PPP1R16B: variants seen among roughly 807,000 people sequenced by gnomAD.
The protein encoded by PPP1R16B is protein phosphatase 1 regulatory subunit 16B.
Under a neutral mutation model 61.7 loss-of-function variants are expected in PPP1R16B, and 14 were observed. The observed-to-expected ratio is 0.23, with a 90% confidence interval of 0.15 to 0.35. The LOEUF is 0.35. Among genes scored for constraint, PPP1R16B ranks in the 10% least tolerant of loss-of-function variants. The pLI is 1.00. For synonymous variants in PPP1R16B, 266 were observed against 305.3 expected (o/e 0.87, Z 1.34); for missense variants, 547 against 752.5 (o/e 0.73, Z 3.19).
chr20:38,831,855 G>A (rs2084839310), intron 1 of PPP1R16B, among the ~76,000 whole-genome samples: 1 of 152,232 alleles, frequency 6.6e-6, no homozygotes, highest in Admixed American at 6.5e-5. Flanking sequence ...GTCAGGCCTG[G>A]CCCACAGCCA....
chr20:38,862,148 G>A (rs2085056241), intron 2 of PPP1R16B, among the ~76,000 whole-genome samples: 1 of 152,212 alleles, frequency 6.6e-6, no homozygotes, highest in Non-Finnish European at 1.5e-5. Context: ...TAGGGGCAGG[G>A]CATGCTGGGC....
chr20:38,828,423 A>T (rs2084817126), intron 1 of PPP1R16B, among the ~76,000 whole-genome samples: 1 of 152,194 alleles, frequency 6.6e-6, no homozygotes, highest in African/African-American at 2.4e-5. Context: ...CACCCCTAAA[A>T]ACATCATTGC....
chr20:38,880,777 C>A (rs1012153623), intron 2 of PPP1R16B, among the ~76,000 whole-genome samples: 1 of 152,208 alleles, frequency 6.6e-6, no homozygotes, highest in Non-Finnish European at 1.5e-5. Flanking sequence ...TAAAAACATT[C>A]ATATGCAAAG....
intron 2 of PPP1R16B, among the ~76,000 whole-genome samples, chr20:38,850,860 C>T (rs916767352): frequency 3.3e-5 from 5 of 151,006 alleles, no homozygotes; most frequent in South Asian, 2.1e-4. Flanking sequence ...CCCAGGTACT[C>T]GGGAGGCTGA....
At chr20:38,887,371 C>T (rs1186928370) in intron 2 of PPP1R16B, among the ~76,000 whole-genome samples, 3 of 152,096 alleles carry the variant, frequency 2.0e-5, no homozygotes, top group Non-Finnish European at 4.4e-5. Context: ...GATGGTGCCA[C>T]CTAGAATTGT....
chr20:38,813,213 C>T (rs765343083), intron 1 of PPP1R16B, among the ~76,000 whole-genome samples: 1 of 152,218 alleles, frequency 6.6e-6, no homozygotes, highest in Non-Finnish European at 1.5e-5. Flanking sequence ...AAAGAGGATG[C>T]TTGGTCTCAA....
Position 38,907,746 on chromosome 20 carries a change from A to G in PPP1R16B, c.899-60A>G. 1 of 1,588,886 alleles carries G rather than the reference A, an allele frequency of 6.3e-7. No individual in the cohort carries two copies. Among genetic ancestry groups the G allele is most frequent in the Non-Finnish European group, 8.6e-7 (1 of 1,160,922 alleles). ...GGTGGCAGCTCCTCTGGTCTGGAGC[A>G]CCCTCTTGCGCCACAGGTCCTGGCC... On this transcript the variant is annotated intron_variant, in intron 8 of 10. Transcript: ENST00000299824. The surrounding 1 kb of genome is among the most constrained non-coding windows in gnomAD (Gnocchi z 4.5).
At chr20:38,912,025 T>G (rs1486446225) in intron 10 of PPP1R16B, among the ~76,000 whole-genome samples, 1 of 152,146 alleles carries the variant, frequency 6.6e-6, no homozygotes, top group Non-Finnish European at 1.5e-5. Flanking sequence ...CCAAGCAGTT[T>G]TCCAAGGTGC....
intron 5 of PPP1R16B, among the ~76,000 whole-genome samples, chr20:38,901,965 A>G (rs2085397957): frequency 6.6e-6 from 1 of 152,226 alleles, no homozygotes; most frequent in Non-Finnish European, 1.5e-5. Flanking sequence ...AGCTTAGTCA[A>G]AAGAAATGTG....
intron 4 of PPP1R16B, among the ~76,000 whole-genome samples, chr20:38,899,100 G>C (rs2085372290): frequency 6.6e-6 from 1 of 152,192 alleles, no homozygotes; most frequent in Admixed American, 6.5e-5. Flanking sequence ...TGGCAGAGCG[G>C]CAGGAGCCCA....
In PPP1R16B at chr20:38,921,222, T is replaced by C. The variant is rs1160305994; in HGVS notation, c.*2556T>C. The C allele has an allele frequency of 6.6e-6, 1 of 152,204 alleles. No individual in the cohort carries two copies. Among genetic ancestry groups the C allele is most frequent in the African/African-American group, 2.4e-5 (1 of 41,450 alleles). 9.4% of individuals were successfully genotyped at this position (152,204 alleles called of 1,614,324 possible). A position where few individuals can be genotyped will look rare whatever the true frequency, so the allele number is the denominator to read the frequency against. ...AACCATCCCTTCTTGGGGCTTTAAG[T>C]CCCTGGGGAGCTTTCCCTGTAGGTC... On this transcript the variant is annotated 3_prime_UTR_variant, in exon 11 of 11. Transcript: ENST00000299824.
intron 3 of PPP1R16B, 113 bp from the exon 4 acceptor site, chr20:38,895,452 A>G: frequency 8.0e-7 from 1 of 1,256,020 alleles, no homozygotes; most frequent in Non-Finnish European, 1.1e-6. Flanking sequence ...GGATTCAAAC[A>G]GGCCTTCCAC....
At chr20:38,822,200 A>G (rs538269472) in intron 1 of PPP1R16B, among the ~76,000 whole-genome samples, 4 of 151,996 alleles carry the variant, frequency 2.6e-5, no homozygotes, top group African/African-American at 7.2e-5. Context: ...TACATCATTC[A>G]GTGAGATTTG....
chr20:38,848,018 G>C (rs910912224), intron 2 of PPP1R16B, among the ~76,000 whole-genome samples: 4 of 151,980 alleles, frequency 2.6e-5, no homozygotes, highest in African/African-American at 9.7e-5. Context: ...GTCTGTTTTT[G>C]TAAATAAAGT....
Position 38,907,938 on chromosome 20 carries a change from G to A in PPP1R16B, c.1028+3G>A, listed in dbSNP as rs753322182. On this transcript the variant is annotated splice_donor_region_variant and intron_variant, in intron 9 of 10. Coordinates refer to ENST00000299824, the MANE Select transcript of PPP1R16B (RefSeq NM_015568.4). The surrounding 1 kb of genome is among the most constrained non-coding windows in gnomAD (Gnocchi z 4.5). ...ACCTCCAGCGCAGGCAGCCGTGGGTGAGTCCGGGGCAGGGCAGCCAGGAGT... is the reference window on the plus strand; with the variant it reads ...ACCTCCAGCGCAGGCAGCCGTGGGTAAGTCCGGGGCAGGGCAGCCAGGAGT... 6.2e-7 allele frequency: 1 copy of A among 1,614,190 alleles called. No individual in the cohort carries two copies. The highest frequency in any genetic ancestry group is 8.5e-7 in the Non-Finnish European group (1 of 1,180,020).
intron 1 of PPP1R16B, among the ~76,000 whole-genome samples, chr20:38,819,660 T>A (rs1166132897): frequency 1.3e-5 from 2 of 152,142 alleles, no homozygotes. Context: ...GTTGCCAGGT[T>A]CTGACACAGT....
chr20:38,815,344 T>C (rs2145705012), intron 1 of PPP1R16B, among the ~76,000 whole-genome samples: 1 of 152,376 alleles, frequency 6.6e-6, no homozygotes, highest in Middle Eastern at 3.4e-3. Context: ...CACACAGATA[T>C]ACCTGGATCT....
chr20:38,885,024 T>A (rs1601288225), intron 2 of PPP1R16B, among the ~76,000 whole-genome samples: 2 of 88,304 alleles, frequency 2.3e-5, no homozygotes, highest in African/African-American at 9.4e-5. Flanking sequence ...GCAACAGAGC[T>A]AAACTCTGTC....
chr20:38,809,256 G>T (rs912643451), intron 1 of PPP1R16B, among the ~76,000 whole-genome samples: 3 of 151,956 alleles, frequency 2.0e-5, no homozygotes, highest in Non-Finnish European at 4.4e-5. Flanking sequence ...GGGCGGGGGT[G>T]GGGGCTCACT....
Sources: allele counts gnomAD v4.1 joint callset (sites outside exome capture counted in the v4.1 genomes callset), GRCh38; gene constraint gnomAD v4.1.1; non-coding constraint Gnocchi (gnomAD v3.1); transcripts MANE v1.5; gene names NCBI Gene and HGNC (gene_info 2026-07-23, HGNC 2026-07-21).